The following CDHR3 variants were observed in gnomAD, a reference collection of about 807,000 sequenced individuals.
The protein encoded by CDHR3 is cadherin-related family member 3.
A neutral mutation model predicts 86.6 loss-of-function variants in CDHR3; 79 were observed. The ratio of observed to expected loss-of-function variants is 0.91; its 90% CI spans 0.76 to 1.10. CDHR3 has a LOEUF of 1.10. Ranked by LOEUF, CDHR3 falls within the 50% of genes least tolerant of loss-of-function variation. The pLI is 0.00. For synonymous variants in CDHR3, 421 were observed against 402.4 expected (o/e 1.05, Z -0.55); for missense variants, 1,081 against 1,077.6 (o/e 1.00, Z -0.04).
rs1835922082 is a variant in CDHR3 at position 106,017,983 on chromosome 7, C to T, written c.1564C>T (p.Gln522Ter). ...GATTAATCCCAAGACAGGAGAACTC[C>T]AGCTGGTAACTAAAGTGGACTGTGA... ...FWINPKTGEL[Q>*]LVTKVDCETT... is the part of the protein sequence containing the mutation. Residue 522 changes from glutamine (Q) to a stop codon, truncating the protein, a stop_gained, in exon 12 of 19, where the codon CAG (glutamine) becomes TAG (stop). Transcript: ENST00000317716. LOFTEE classifies it high-confidence loss of function. The T allele has an allele frequency of 6.2e-7, 1 of 1,613,924 alleles. No homozygotes were observed. Among genetic ancestry groups the T allele is most frequent in the South Asian group, 1.1e-5 (1 of 91,074 alleles).
At position 106,027,068 on chromosome 7, in the gene CDHR3, G is replaced by A. The variant is rs1837465590; in HGVS notation, c.2272+373G>A. On this transcript the variant is annotated intron_variant, in intron 16 of 18. Transcript: ENST00000317716. ...GCCCATGGAGGGTGTCCTGAGGACA[G>A]CTAATGCTTTGTGCTGGACACAGGC... Among the ~76,000 whole-genome samples, 3 of 152,220 alleles carry A rather than the reference G, an allele frequency of 2.0e-5. No homozygotes were observed. In the South Asian group the frequency reaches 6.2e-4, roughly 32 times the overall value.
At chr7:106,018,175 G>A (rs2115867087) in intron 12 of CDHR3, 103 bp downstream of exon 12, 3 of 810,678 alleles carry the variant, frequency 3.7e-6, no homozygotes, top group South Asian at 3.4e-5. Context: ...AACTTCCCAG[G>A]GTACATCCTG....
chr7:105,980,054 T>C (rs936657141), intron 2 of CDHR3, among the ~76,000 whole-genome samples: 1 of 152,128 alleles, frequency 6.6e-6, no homozygotes, highest in Non-Finnish European at 1.5e-5. Flanking sequence ...AAAATACTGA[T>C]AGTGCAGACA....
chr7:106,003,626 T>C (rs966527906), intron 7 of CDHR3, among the ~76,000 whole-genome samples: 6 of 152,206 alleles, frequency 3.9e-5, no homozygotes, highest in Non-Finnish European at 8.8e-5. Flanking sequence ...TCCTCGGGCC[T>C]GTCCTCTTAA....
At chr7:106,028,272 C>T (rs2115914595) in intron 16 of CDHR3, among the ~76,000 whole-genome samples, 2 of 152,140 alleles carry the variant, frequency 1.3e-5, no homozygotes, top group South Asian at 4.2e-4. Flanking sequence ...CATGTAAAAG[C>T]CAGTTTTCTA....
chr7:106,010,798 A>T (rs1489294358), intron 8 of CDHR3, among the ~76,000 whole-genome samples: 1 of 152,254 alleles, frequency 6.6e-6, no homozygotes, highest in Non-Finnish European at 1.5e-5. Context: ...GAGATGGACA[A>T]GGCTGGGCAA....
intron 1 of CDHR3, among the ~76,000 whole-genome samples, chr7:105,973,549 C>T (rs1828297415): frequency 6.6e-6 from 1 of 152,188 alleles, no homozygotes; most frequent in African/African-American, 2.4e-5. Context: ...TATATCATGG[C>T]CTTTTCCCCT....
At chr7:105,967,669 TC>T (rs1210400649) in intron 1 of CDHR3, among the ~76,000 whole-genome samples, 1 of 152,234 alleles carries the variant, frequency 6.6e-6, no homozygotes, top group African/African-American at 2.4e-5. Context: ...AGATGGTATC[TC>T]ATTGTGGTTT....
At chr7:105,979,391 T>C (rs78714179) in intron 2 of CDHR3, among the ~76,000 whole-genome samples, 2,308 of 152,222 alleles carry the variant, frequency 0.015, 52 homozygotes, top group Non-Finnish European at 0.017. Flanking sequence ...CTCGACAATC[T>C]TCCATACCCT....
chr7:105,992,186 A>C (rs1348381666), intron 4 of CDHR3, among the ~76,000 whole-genome samples: 1 of 152,020 alleles, frequency 6.6e-6, no homozygotes, highest in East Asian at 1.9e-4. Context: ...AAGGCCTTAC[A>C]GTGCTTGGGA....
chr7:106,031,452 A>G (rs1429988959), intron 18 of CDHR3, among the ~76,000 whole-genome samples: 1 of 152,192 alleles, frequency 6.6e-6, no homozygotes, highest in Non-Finnish European at 1.5e-5. Context: ...AGACGTGAAT[A>G]AAGGGAAGGA....
chr7:105,974,757 A>G, intron 1 of CDHR3, 87 bp from the exon 2 acceptor site: 1 of 1,035,942 alleles, frequency 9.7e-7, no homozygotes. Flanking sequence ...TGAGCTACGA[A>G]TTGAAGCCAC....
intron 7 of CDHR3, among the ~76,000 whole-genome samples, chr7:106,003,059 A>C (rs1833437475): frequency 6.6e-6 from 1 of 150,582 alleles, no homozygotes; most frequent in Non-Finnish European, 1.5e-5. Flanking sequence ...CCTTGAGCCC[A>C]GGAGTTTAAG....
intron 18 of CDHR3, among the ~76,000 whole-genome samples, chr7:106,032,140 G>A (rs1017699726): frequency 3.9e-5 from 6 of 152,206 alleles, no homozygotes; most frequent in Admixed American, 2.6e-4. Flanking sequence ...TCCTTGAGAC[G>A]CTCCTAAGCC....
At position 105,984,288 on chromosome 7, in the gene CDHR3, G is replaced by C. The variant is rs1830212097; in HGVS notation, c.512G>C (p.Ser171Thr). Residue 171 changes from serine (S) to threonine (T), a missense_variant and splice_region_variant, in exon 4 of 19, where the codon AGT becomes ACT. By Grantham distance (58) the Ser-to-Thr change is moderately conservative. Transcript: ENST00000317716. ...GACACAAGCCGAAACATTCCCCTCA[G>C]TGTAAGTGTCCTTATATGGAAGAGG... ...PEDTSRNIPL[S>T]YFLISPPKSF... The C allele has an allele frequency of 1.2e-6, 2 of 1,606,564 alleles. No homozygotes were observed. The highest frequency in any genetic ancestry group is 1.7e-6 in the Non-Finnish European group (2 of 1,174,854).
chr7:105,967,715 G>A (rs191605263), intron 1 of CDHR3, among the ~76,000 whole-genome samples: 7 of 152,302 alleles, frequency 4.6e-5, no homozygotes, highest in East Asian at 3.9e-4. Context: ...GTGATAATGA[G>A]CATTTTTTCA....
Position 105,975,033 on chromosome 7 carries a change from G to GCAC in CDHR3, c.238_240dup (p.Thr80dup). The stretch of plus-strand genomic sequence containing the variant: ...GCTTTTAGGGTGAATTGGCTGTCAG[G>GCAC]CACCTACTTTGAGGTAAGTAACAAC... On this transcript the variant is annotated inframe_insertion, in exon 2 of 19. Transcript: ENST00000317716. 1.2e-6 allele frequency: 2 copies of GCAC among 1,613,672 alleles called. No individual in the cohort carries two copies. The highest frequency in any genetic ancestry group is 2.2e-5 in the South Asian group (2 of 91,054).
At chr7:106,022,613 GC>G (rs1836749519) in intron 14 of CDHR3, among the ~76,000 whole-genome samples, 165 bp downstream of exon 14, 1 of 152,166 alleles carries the variant, frequency 6.6e-6, no homozygotes, top group Non-Finnish European at 1.5e-5. Context: ...CTGCAGGGTG[GC>G]AAAAATCTGG....
At chr7:106,002,965 C>T (rs1290586232) in intron 7 of CDHR3, among the ~76,000 whole-genome samples, 1 of 151,904 alleles carries the variant, frequency 6.6e-6, no homozygotes. Flanking sequence ...GAAACCCTGT[C>T]TCTACTAAAA....
Sources: gnomAD v4.1 joint callset for allele counts (sites outside exome capture counted in the v4.1 genomes callset) on GRCh38, gnomAD v4.1.1 for gene constraint, MANE v1.5 for transcripts, NCBI Gene and HGNC (gene_info 2026-07-23, HGNC 2026-07-21) for gene names.